The following CCDC158 variants were observed in gnomAD, a reference collection of about 807,000 sequenced individuals.
CCDC158 encodes coiled-coil domain containing 158, also known as coiled-coil domain-containing protein 158.
A neutral mutation model predicts 138.6 loss-of-function variants in CCDC158; 116 were observed. That is an observed-to-expected ratio of 0.84 (90% confidence interval 0.72 to 0.98). The LOEUF (loss-of-function observed/expected upper bound fraction) is 0.98. Among genes scored for constraint, CCDC158 ranks in the 50% least tolerant of loss-of-function variants. The pLI is 0.00. For missense variants in CCDC158, 1,265 were observed against 1,306.1 expected (o/e 0.97, Z 0.48); for synonymous variants, 436 against 442.4 (o/e 0.99, Z 0.18).
rs749080081 is a variant in CCDC158 at position 76,334,031 on chromosome 4, A to G, written c.2801T>C (p.Leu934Pro). 2.5e-6 allele frequency: 4 copies of G among 1,612,228 alleles called. No individual in the cohort carries two copies. The highest frequency in any genetic ancestry group is 3.4e-6 in the Non-Finnish European group (4 of 1,178,630). Residue 934 changes from leucine to proline, a missense_variant, in exon 19 of 25, where the codon CTG (leucine) becomes CCG (proline). Leu to Pro is a moderately conservative substitution (Grantham distance 98). Coordinates refer to ENST00000682701, the MANE Select transcript of CCDC158 (RefSeq NM_001394954.1). The part of the protein sequence containing the change: ...SKTEEDGRTS[L>P]GALYVAVEDR... ...TTACACAGCCACATACAAGGCTCCC[A>G]GAGATGTTCTTCCATCTTCCTCTGT...
chr4:76,399,477 A>T (rs939020700), intron 3 of CCDC158, among the ~76,000 whole-genome samples: 7 of 152,178 alleles, frequency 4.6e-5, no homozygotes, highest in South Asian at 2.1e-4. Flanking sequence ...AAATTAAATT[A>T]AATTTAAAAA....
At position 76,363,431 on chromosome 4, in the gene CCDC158, C is replaced by T. The variant is rs142004464; in HGVS notation, c.1831-1116G>A. On this transcript the variant is annotated intron_variant, in intron 12 of 24. Transcript: ENST00000682701. The stretch of plus-strand genomic sequence containing the variant: ...TTGTATCCTTTCACTGTAATAAATC[C>T]TAGCCTTGTGTATGATTATATGCTG... Among the ~76,000 whole-genome samples, 417 of 152,214 alleles carry T rather than the reference C, an allele frequency of 2.7e-3. 2 individuals are homozygous for T. The highest frequency in any genetic ancestry group is 9.1e-3 in the African/African-American group (378 of 41,552).
intron 24 of CCDC158, among the ~76,000 whole-genome samples, chr4:76,321,980 T>C (rs1720060262): frequency 6.6e-6 from 1 of 151,568 alleles, no homozygotes; most frequent in Non-Finnish European, 1.5e-5. Context: ...ATAATAATAA[T>C]ACGATGGACG....
At chr4:76,354,233 CAAAAAAAAAAA>C (rs749565764) in intron 15 of CCDC158, among the ~76,000 whole-genome samples, 5 of 63,924 alleles carry the variant, frequency 7.8e-5, no homozygotes, top group East Asian at 5.6e-4. Flanking sequence ...TTCCCAAAGG[CAAAAAAAAAAA>C]AAAAAAAAAA....
At chr4:76,384,525 G>A (rs752478620) in intron 5 of CCDC158, 31 bp downstream of exon 5, 1 of 1,576,012 alleles carries the variant, frequency 6.3e-7, no homozygotes, top group South Asian at 1.2e-5. Flanking sequence ...ATGAAAATAT[G>A]TGACTTTAAA....
At chr4:76,390,303 G>A (rs1381835717) in intron 4 of CCDC158, among the ~76,000 whole-genome samples, 1 of 152,044 alleles carries the variant, frequency 6.6e-6, no homozygotes, top group African/African-American at 2.4e-5. Context: ...TTAAGTGATG[G>A]TTTTAAGATA....
In CCDC158 at chr4:76,415,304, C is replaced by T. The variant is rs149017462; in HGVS notation, c.-116-3172G>A. On this transcript the variant is annotated intron_variant, in intron 1 of 24. Coordinates refer to ENST00000682701, the MANE Select transcript of CCDC158 (RefSeq NM_001394954.1). ...GCAGCAAACCATTAGAGAGGTGACCCGGGTACTGTTAAAGCCATTCAGTTT... is the reference window on the plus strand; with the variant it reads ...GCAGCAAACCATTAGAGAGGTGACCTGGGTACTGTTAAAGCCATTCAGTTT... 7.4e-4 allele frequency among the ~76,000 whole-genome samples: 112 copies of T among 152,048 alleles called. 1 individual carries two copies. Among genetic ancestry groups the T allele is most frequent in the African/African-American group, 2.5e-3 (104 of 41,466 alleles).
intron 1 of CCDC158, chr4:76,414,243 C>A (rs1201910390): frequency 1.3e-5 from 2 of 152,156 alleles, no homozygotes; most frequent in African/African-American, 4.8e-5. Context: ...TATATGTTTA[C>A]AGTCGTATTA....
chr4:76,321,603 A>G (rs1481756646), intron 24 of CCDC158, among the ~76,000 whole-genome samples: 2 of 147,134 alleles, frequency 1.4e-5, no homozygotes, highest in Non-Finnish European at 1.5e-5. Context: ...ATAATATAAT[A>G]TATTATATAT....
intron 9 of CCDC158, among the ~76,000 whole-genome samples, chr4:76,373,037 T>C (rs1441310423): frequency 6.6e-6 from 1 of 152,120 alleles, no homozygotes; most frequent in Non-Finnish European, 1.5e-5. Flanking sequence ...TTAGTAGAGA[T>C]GGGGTTTCGC....
intron 4 of CCDC158, among the ~76,000 whole-genome samples, chr4:76,394,079 C>A (rs945456037): frequency 2.6e-5 from 4 of 151,978 alleles, no homozygotes; most frequent in Admixed American, 2.0e-4. Flanking sequence ...GGAGGTCTCT[C>A]AAAAAACTAA....
At chr4:76,409,737 A>G (rs892846036) in intron 2 of CCDC158, among the ~76,000 whole-genome samples, 1 of 152,174 alleles carries the variant, frequency 6.6e-6, no homozygotes, top group Non-Finnish European at 1.5e-5. Context: ...AGGCTGAGGC[A>G]GGAGAATGGC....
At chr4:76,332,541 C>A in intron 19 of CCDC158, 50 bp from the exon 20 acceptor site, 1 of 1,387,334 alleles carries the variant, frequency 7.2e-7, no homozygotes, top group South Asian at 1.3e-5. Flanking sequence ...ACAATTTCAT[C>A]CATGTCTTTT....
In CCDC158 at chr4:76,325,895, C is replaced by A; in HGVS notation, c.3131G>T (p.Arg1044Ile). The A allele has an allele frequency of 3.7e-6, 6 of 1,613,412 alleles. No homozygotes were observed. The highest frequency in any genetic ancestry group is 5.1e-6 in the Non-Finnish European group (6 of 1,179,630). ...AGATGAATGAATAGGTTTGGCAGAT[C>A]TATACTGTGATGTGGAACCTATTGA... is the stretch of plus-strand genomic sequence containing the variant. ...EGSIGSTSQYRSAKPIHSSDS... is the reference protein window; with the variant it reads ...EGSIGSTSQYISAKPIHSSDS... Residue 1044 changes from arginine (R) to isoleucine (I), a missense_variant, in exon 23 of 25, where the codon AGA becomes ATA. By Grantham distance (97) the Arg-to-Ile change is moderately conservative. Transcript: ENST00000682701.
At chr4:76,344,244 C>T (rs1722329765) in intron 18 of CCDC158, among the ~76,000 whole-genome samples, 1 of 152,160 alleles carries the variant, frequency 6.6e-6, no homozygotes, top group African/African-American at 2.4e-5. Context: ...TGAGTGAACT[C>T]TCATTCATAA....
chr4:76,360,842 A>C (rs1724062966), intron 13 of CCDC158, among the ~76,000 whole-genome samples: 1 of 152,198 alleles, frequency 6.6e-6, no homozygotes, highest in African/African-American at 2.4e-5. Context: ...GAATGAGTTA[A>C]GACTTTGGGG....
chr4:76,384,448 T>C lies in CCDC158; in HGVS notation c.399-33A>G, dbSNP rs1310978839. 1.9e-6 allele frequency: 3 copies of C among 1,581,182 alleles called. No individual in the cohort carries two copies. The Admixed American group carries it at 5.3e-5, about 28-fold the overall frequency. On this transcript the variant is annotated intron_variant, in intron 5 of 24. Transcript: ENST00000682701. ...ATAAATGAAAGAAAATAAATAACAT[T>C]GATAAAACTCATATTCACACAAGTA...
At chr4:76,338,775 T>G (rs1721780667) in intron 18 of CCDC158, among the ~76,000 whole-genome samples, 1 of 152,176 alleles carries the variant, frequency 6.6e-6, no homozygotes, top group South Asian at 2.1e-4. Flanking sequence ...TTTACCACTT[T>G]GCCTGTACCT....
chr4:76,356,029 A>T (rs1723528798), intron 14 of CCDC158, among the ~76,000 whole-genome samples: 1 of 152,138 alleles, frequency 6.6e-6, no homozygotes, highest in African/African-American at 2.4e-5. Flanking sequence ...CAGTAGCCAA[A>T]CTGCCAGCAT....
Sources: gnomAD v4.1 joint callset for allele counts (sites outside exome capture counted in the v4.1 genomes callset) on GRCh38, gnomAD v4.1.1 for gene constraint, MANE v1.5 for transcripts, NCBI Gene and HGNC (gene_info 2026-07-23, HGNC 2026-07-21) for gene names.